SLC39A11: variants seen among roughly 807,000 people sequenced by gnomAD.
The protein encoded by SLC39A11 is zinc transporter ZIP11.
Under a neutral mutation model 36.1 loss-of-function variants are expected in SLC39A11, and 33 were observed. That is an observed-to-expected ratio of 0.91 (90% CI 0.69 to 1.22). The LOEUF is 1.22. SLC39A11 is among the 50% of genes most tolerant of loss of function. The pLI is 0.00. For synonymous variants in SLC39A11, 166 were observed against 170.3 expected (o/e 0.97, Z 0.20); for missense variants, 432 against 430.3 (o/e 1.00, Z -0.03).
chr17:72,775,129 C>T (rs1031391313), intron 6 of SLC39A11, among the ~76,000 whole-genome samples: 10 of 152,284 alleles, frequency 6.6e-5, no homozygotes, highest in African/African-American at 2.4e-4. Context: ...TTTCAGCAGC[C>T]CCATTTCTGG....
intron 4 of SLC39A11, among the ~76,000 whole-genome samples, chr17:73,023,779 A>G (rs1414558728): frequency 6.6e-6 from 1 of 152,150 alleles, no homozygotes; most frequent in East Asian, 1.9e-4. Flanking sequence ...GTGAGCCACC[A>G]CACCCGGTCC....
In SLC39A11 at chr17:73,068,221, C is replaced by G. The variant is rs778854695; in HGVS notation, c.147+16587G>C. The G allele has an allele frequency of 6.0e-5, 56 of 940,896 alleles. No homozygotes were observed. In the African/African-American group the frequency reaches 7.1e-4, roughly 12 times the overall value. The allele number at this position is 940,896 out of a possible 1,614,324, so 58.3% of individuals were successfully genotyped here. The stretch of plus-strand genomic sequence containing the variant: ...GAGTGGTTGTTTCTGGGGAGACCTC[C>G]GTAAGTCCTTCCCCTCCAGTAGCAC... On this transcript the variant is annotated intron_variant, in intron 3 of 9. Coordinates refer to ENST00000255559, the MANE Select transcript of SLC39A11 (RefSeq NM_139177.4).
intron 6 of SLC39A11, among the ~76,000 whole-genome samples, chr17:72,780,530 G>GGGGGGGC (rs2076279550): frequency 9.0e-6 from 1 of 111,432 alleles, no homozygotes. Flanking sequence ...TGGGGGGCGG[G>GGGGGGGC]TGGGGGCACA....
chr17:72,657,940 G>T lies in SLC39A11; in HGVS notation c.672-8672C>A, dbSNP rs115052551. Reference sequence around the variant, plus strand: ...CTCACCAGCCCCATTGATGCTGGGTGGGTCCTTGCGGGCTGCTGTCTCCAG... The same window carrying T: ...CTCACCAGCCCCATTGATGCTGGGTTGGTCCTTGCGGGCTGCTGTCTCCAG... On this transcript the variant is annotated intron_variant, in intron 7 of 9. Coordinates refer to ENST00000255559, the MANE Select transcript of SLC39A11 (RefSeq NM_139177.4). Among the ~76,000 whole-genome samples the T allele has an allele frequency of 5.1e-3, 770 of 152,332 alleles. 6 individuals carry two copies. The highest frequency in any genetic ancestry group is 0.018 in the African/African-American group (728 of 41,582).
At chr17:73,025,134 T>A (rs532089409) in intron 4 of SLC39A11, among the ~76,000 whole-genome samples, 4 of 152,208 alleles carry the variant, frequency 2.6e-5, no homozygotes, top group Non-Finnish European at 4.4e-5. Context: ...AGGACTCAGA[T>A]AAATTAAGGC....
intron 3 of SLC39A11, among the ~76,000 whole-genome samples, chr17:73,047,786 G>C (rs946548071): frequency 9.9e-5 from 15 of 151,390 alleles, no homozygotes; most frequent in Middle Eastern, 3.4e-3. Context: ...TGGCCAACAT[G>C]GTGAAACCCC....
chr17:72,961,590 G>C (rs994285572), intron 4 of SLC39A11, among the ~76,000 whole-genome samples: 9 of 152,030 alleles, frequency 5.9e-5, no homozygotes, highest in African/African-American at 1.9e-4. Flanking sequence ...CCTTTGCAGG[G>C]ACATGGATGA....
intron 6 of SLC39A11, among the ~76,000 whole-genome samples, chr17:72,800,704 A>G (rs1458149207): frequency 1.3e-5 from 2 of 152,150 alleles, no homozygotes. Flanking sequence ...GCAGGGGACT[A>G]GAGGTTGTGG....
At chr17:72,955,697 G>T (rs1449758002) in intron 4 of SLC39A11, among the ~76,000 whole-genome samples, 1 of 151,812 alleles carries the variant, frequency 6.6e-6, no homozygotes, top group Non-Finnish European at 1.5e-5. Flanking sequence ...CCCAGCACAC[G>T]GTCTGTGTTC....
chr17:72,689,975 A>C (rs2043634704), intron 7 of SLC39A11, among the ~76,000 whole-genome samples: 2 of 152,208 alleles, frequency 1.3e-5, no homozygotes, highest in Non-Finnish European at 2.9e-5. Context: ...GTTCAAAGAA[A>C]GCCTCCTCTC....
At chr17:72,860,330 A>G (rs2079911938) in intron 5 of SLC39A11, among the ~76,000 whole-genome samples, 4 of 152,124 alleles carry the variant, frequency 2.6e-5, no homozygotes, top group Admixed American at 2.6e-4. Context: ...GAAAGCCACA[A>G]TTGCTGTGAG....
intron 7 of SLC39A11, among the ~76,000 whole-genome samples, chr17:72,697,381 G>A (rs1465842073): frequency 6.6e-6 from 1 of 152,090 alleles, no homozygotes; most frequent in Non-Finnish European, 1.5e-5. Flanking sequence ...CCAAGCCCCT[G>A]GCACATATTT....
At chr17:72,651,596 G>C (rs1213435890) in intron 7 of SLC39A11, among the ~76,000 whole-genome samples, 3 of 152,198 alleles carry the variant, frequency 2.0e-5, no homozygotes, top group Non-Finnish European at 4.4e-5. Context: ...CTAGGGTGGG[G>C]TTGGGGGAAG....
chr17:72,663,087 G>GT (rs1054756265), intron 7 of SLC39A11, among the ~76,000 whole-genome samples: 1 of 152,194 alleles, frequency 6.6e-6, no homozygotes, highest in African/African-American at 2.4e-5. Flanking sequence ...ACACAAAATA[G>GT]TAAGTGTTGT....
intron 4 of SLC39A11, among the ~76,000 whole-genome samples, chr17:72,976,257 T>C (rs145632605): frequency 1.1e-3 from 160 of 152,090 alleles, no homozygotes; most frequent in African/African-American, 3.7e-3. Context: ...TTATTATTAT[T>C]TTAACCTCTC....
chr17:73,082,395 T>C (rs1445687653), intron 3 of SLC39A11, among the ~76,000 whole-genome samples: 1 of 152,142 alleles, frequency 6.6e-6, no homozygotes, highest in Non-Finnish European at 1.5e-5. Context: ...TTTCAATTCA[T>C]TCATCTATAT....
chr17:72,776,610 G>GAAA (rs34044701), intron 6 of SLC39A11, among the ~76,000 whole-genome samples: 1,504 of 119,776 alleles, frequency 0.013, 36 homozygotes, highest in Middle Eastern at 0.023. Context: ...ACTTTGCATG[G>GAAA]AAAAAAAAAA....
chr17:73,052,697 G>A (rs1372172506), intron 3 of SLC39A11, among the ~76,000 whole-genome samples: 2 of 152,164 alleles, frequency 1.3e-5, no homozygotes, highest in African/African-American at 4.8e-5. Context: ...AAAGAGGGCA[G>A]GACCATGGAA....
intron 7 of SLC39A11, among the ~76,000 whole-genome samples, chr17:72,722,111 T>G (rs1348525591): frequency 6.6e-6 from 1 of 151,942 alleles, no homozygotes; most frequent in Non-Finnish European, 1.5e-5. Context: ...AGGAATTCAG[T>G]ATCTTCCAGT....
Sources: gnomAD v4.1 joint callset for allele counts (sites outside exome capture counted in the v4.1 genomes callset) on GRCh38, gnomAD v4.1.1 for gene constraint, MANE v1.5 for transcripts, NCBI Gene and HGNC (gene_info 2026-07-23, HGNC 2026-07-21) for gene names.